ADGRL3: variants seen among roughly 807,000 people sequenced by gnomAD.
ADGRL3 encodes the protein adhesion G protein-coupled receptor L3.
A neutral mutation model predicts 153.5 loss-of-function variants in ADGRL3; 62 were observed. The ratio of observed to expected loss-of-function variants is 0.40; its 90% CI spans 0.33 to 0.50. ADGRL3 has a LOEUF of 0.50. Among genes scored for constraint, ADGRL3 ranks in the 20% least tolerant of loss-of-function variants. The pLI is 0.47. For missense variants in ADGRL3, 1,641 were observed against 1,859.4 expected (o/e 0.88, Z 2.16); for synonymous variants, 710 against 672.5 (o/e 1.06, Z -0.86).
intron 2 of ADGRL3, among the ~76,000 whole-genome samples, chr4:61,440,300 GGC>G (rs1178980565): frequency 6.6e-6 from 1 of 152,060 alleles, no homozygotes; most frequent in Non-Finnish European, 1.5e-5. Flanking sequence ...CGCCTGCCTT[GGC>G]CTCCCAAAGT....
intron 11 of ADGRL3, among the ~76,000 whole-genome samples, chr4:61,897,478 G>T (rs956099999): frequency 6.6e-6 from 1 of 152,090 alleles, no homozygotes; most frequent in Non-Finnish European, 1.5e-5. Context: ...TTAAACCATG[G>T]ATAGCTTATG....
At chr4:61,756,529 T>G (rs1191634280) in intron 8 of ADGRL3, among the ~76,000 whole-genome samples, 4 of 152,198 alleles carry the variant, frequency 2.6e-5, no homozygotes, top group Admixed American at 2.6e-4. Context: ...GCTGAGACGA[T>G]GGGGTTTTCT....
chr4:61,929,939 TC>T (rs2098810632), intron 13 of ADGRL3, among the ~76,000 whole-genome samples: 1 of 151,842 alleles, frequency 6.6e-6, no homozygotes. Flanking sequence ...TTTTGGGAGG[TC>T]CGAGGCAGGC....
chr4:61,442,559 GGAGAGGTAATAA>G (rs536360766), intron 2 of ADGRL3, among the ~76,000 whole-genome samples: 4 of 152,204 alleles, frequency 2.6e-5, no homozygotes, highest in African/African-American at 9.6e-5. Context: ...GCTTGGACTG[GGAGAGGTAATAA>G]GAGGAAGAAG....
chr4:61,324,294 A>G (rs2095423356), intron 1 of ADGRL3, among the ~76,000 whole-genome samples: 1 of 152,148 alleles, frequency 6.6e-6, no homozygotes, highest in Non-Finnish European at 1.5e-5. Context: ...GTATACACAT[A>G]TGTACCTACT....
rs573227885 is a variant in ADGRL3, at chr4:61,333,657, A to G, written c.-239-49467A>G. Among the ~76,000 whole-genome samples, 7 of 152,136 alleles carry G rather than the reference A, an allele frequency of 4.6e-5. No homozygotes were observed. In the East Asian group the frequency reaches 5.8e-4, roughly 13 times the overall value. On this transcript the variant is annotated intron_variant, in intron 1 of 26. Transcript: ENST00000683033. ...CTCCCAGGCTGGAATGCAGGTCACA[A>G]TCACGGCTTACTGCATGCAGCCTTG...
chr4:62,070,088 G>A (rs774171139), intron 26 of ADGRL3, 21 bp from the exon 27 acceptor site: 2 of 1,593,444 alleles, frequency 1.3e-6, no homozygotes, highest in South Asian at 1.1e-5. Context: ...AAATGTCATA[G>A]TATCTTGTAA....
chr4:61,372,711 A>C (rs904618691), intron 1 of ADGRL3, among the ~76,000 whole-genome samples: 1 of 152,100 alleles, frequency 6.6e-6, no homozygotes, highest in African/African-American at 2.4e-5. Context: ...CCAGAGGTGG[A>C]GCCTACAGAG....
At chr4:61,569,484 G>A (rs2098829884) in intron 4 of ADGRL3, among the ~76,000 whole-genome samples, 1 of 152,120 alleles carries the variant, frequency 6.6e-6, no homozygotes, top group Non-Finnish European at 1.5e-5. Flanking sequence ...CTGTAGTCCA[G>A]CTACTCAGGA....
At chr4:61,372,391 T>C (rs2096544542) in intron 1 of ADGRL3, among the ~76,000 whole-genome samples, 1 of 151,844 alleles carries the variant, frequency 6.6e-6, no homozygotes, top group South Asian at 2.1e-4. Flanking sequence ...ATGATGGTGA[T>C]GTACAGATGG....
chr4:61,408,379 G>T (rs1165208365), intron 2 of ADGRL3, among the ~76,000 whole-genome samples: 4 of 151,326 alleles, frequency 2.6e-5, no homozygotes, highest in African/African-American at 9.7e-5. Context: ...CCTGCACCTG[G>T]GTATTTGCAG....
intron 13 of ADGRL3, among the ~76,000 whole-genome samples, chr4:61,918,256 G>T (rs568170573): frequency 6.6e-6 from 1 of 152,182 alleles, no homozygotes. Context: ...GGATGAAGTC[G>T]TGGTTTGTTG....
intron 8 of ADGRL3, among the ~76,000 whole-genome samples, chr4:61,751,339 T>C (rs6817207): frequency 4.6e-5 from 7 of 152,156 alleles, no homozygotes; most frequent in African/African-American, 7.2e-5. Flanking sequence ...TTGACTAAAA[T>C]CCATAATAAG....
chr4:61,465,758 A>AATATATATATATATATATATATATATAT (rs10701021), intron 2 of ADGRL3, among the ~76,000 whole-genome samples: 3 of 130,174 alleles, frequency 2.3e-5, no homozygotes, highest in Admixed American at 8.2e-5. Context: ...ATTATATATA[A>AATATATATATATATATATATATATATAT]ATATATATAT....
At chr4:61,893,529 A>G (rs2098604585) in intron 10 of ADGRL3, among the ~76,000 whole-genome samples, 1 of 152,046 alleles carries the variant, frequency 6.6e-6, no homozygotes, top group Admixed American at 6.5e-5. Context: ...ATGTAACAAA[A>G]AAGAAAGTTT....
intron 1 of ADGRL3, among the ~76,000 whole-genome samples, chr4:61,283,615 A>G (rs1254105883): frequency 6.6e-6 from 1 of 151,902 alleles, no homozygotes; most frequent in Non-Finnish European, 1.5e-5. Flanking sequence ...AATGGTACAG[A>G]TTGTTTCTTC....
chr4:61,494,098 C>A (rs1196095530), intron 2 of ADGRL3, among the ~76,000 whole-genome samples: 2 of 118,910 alleles, frequency 1.7e-5, no homozygotes, highest in Non-Finnish European at 3.5e-5. Context: ...TTTTTTTTTT[C>A]ACTACAGTAT....
intron 1 of ADGRL3, among the ~76,000 whole-genome samples, chr4:61,256,444 G>GT (rs1274254477): frequency 2.0e-5 from 3 of 151,890 alleles, no homozygotes; most frequent in South Asian, 2.1e-4. Context: ...AAAACGGTGA[G>GT]TTTTTTTCTG....
At chr4:61,887,130 G>T (rs545955578) in intron 9 of ADGRL3, among the ~76,000 whole-genome samples, 1 of 152,128 alleles carries the variant, frequency 6.6e-6, no homozygotes, top group African/African-American at 2.4e-5. Context: ...CTCCCAAAGT[G>T]CTGTGATTAC....
Sources: allele counts gnomAD v4.1 joint callset (sites outside exome capture counted in the v4.1 genomes callset), GRCh38; gene constraint gnomAD v4.1.1; transcripts MANE v1.5; gene names NCBI Gene and HGNC (gene_info 2026-07-23, HGNC 2026-07-21).